The following SYP variants were observed in gnomAD, a reference collection of about 807,000 sequenced individuals.
The protein encoded by SYP is major synaptic vesicle protein P38.
A neutral mutation model predicts 24.3 loss-of-function variants in SYP; 2 were observed. That is an observed-to-expected ratio of 0.08 (90% CI 0.03 to 0.26). SYP has a LOEUF of 0.26. Ranked by LOEUF, SYP falls within the 10% of genes least tolerant of loss-of-function variation. The probability of loss-of-function intolerance (pLI) is 1.00; values close to 1 mark genes in which losing one functional copy is unlikely to be tolerated. For synonymous variants in SYP, 143 were observed against 123.2 expected (o/e 1.16, Z -1.07); for missense variants, 216 against 266.3 (o/e 0.81, Z 1.32).
chrX:49,192,957 TC>T (rs57526397), intron 5 of SYP, among the ~76,000 whole-genome samples: 4,311 of 111,411 alleles, frequency 0.039, 215 homozygotes, highest in African/African-American at 0.13. Flanking sequence ...GGGAAACATT[TC>T]AAGTTTTTCC....
rs1310563292 is a variant in SYP at position 49,188,127 on chromosome X, GTCC to G, written c.*1157_*1159del. On this transcript the variant is annotated 3_prime_UTR_variant, in exon 7 of 7. Transcript: ENST00000263233. Reference sequence around the variant, plus strand: ...CCAGTCCCACAGACCCGTTGGTTCTGTCCTCCTATTAACCTAGCTGTTTCATCA... The same window carrying G: ...CCAGTCCCACAGACCCGTTGGTTCTGTCCTATTAACCTAGCTGTTTCATCA... 1 of 111,391 alleles carries G rather than the reference GTCC, an allele frequency of 9.0e-6. No homozygotes were observed. Among genetic ancestry groups the G allele is most frequent in the African/African-American group, 3.3e-5 (1 of 30,519 alleles). The allele number at this position is 111,391 out of a possible 1,213,427, so 9.2% of individuals were successfully genotyped here.
chrX:49,194,295 C>T lies in SYP; in HGVS notation c.294G>A (p.Gly98=), dbSNP rs1437224039. 3 of 1,211,270 alleles carry T rather than the reference C, an allele frequency of 2.5e-6. No homozygotes were observed. The highest frequency in any genetic ancestry group is 1.8e-5 in the South Asian group (1 of 56,936). ...AGAATTCGGCTGACGAGGAGTAGTC[C>T]CCAACTAAGAAGACCTTGGTGGTGC... ...RGGTTKVFLV[G]DYSSSAEFFV... is the part of the protein sequence containing the mutation. Residue 98 remains glycine (G), a synonymous_variant, in exon 4 of 7, where the codon GGG becomes GGA. Transcript: ENST00000263233.
rs782194762 is a variant in SYP at position 49,200,114 on chromosome X, C to A, written c.36+37G>T. ...GAGCGACCCGGCCTAGGCAGCCGGG[C>A]GGCGGCGGGCTCTGTCCACGGTGCT... On this transcript the variant is annotated intron_variant, in intron 1 of 6. Transcript: ENST00000263233. 4 of 1,161,219 alleles carry A rather than the reference C, an allele frequency of 3.4e-6. No individual in the cohort carries two copies. In the African/African-American group the frequency reaches 7.2e-5, roughly 21 times the overall value.
intron 6 of SYP, chrX:49,190,803 G>A (rs1382516782): frequency 8.7e-6 from 1 of 114,664 alleles, no homozygotes; most frequent in Non-Finnish European, 1.8e-5. Context: ...ACAGGCATGA[G>A]CCACCAAGCC....
chrX:49,199,726 T>C (rs1425401604), intron 1 of SYP, among the ~76,000 whole-genome samples: 1 of 108,883 alleles, frequency 9.2e-6, no homozygotes, highest in Non-Finnish European at 1.9e-5. Flanking sequence ...GGGTACAGTC[T>C]CTGTTTGGGA....
At chrX:49,200,023 C>T in intron 1 of SYP, 128 bp downstream of exon 1, 1 of 849,520 alleles carries the variant, frequency 1.2e-6, no homozygotes, top group Admixed American at 2.7e-5. Flanking sequence ...GACCCCCATC[C>T]CCAGCGCCGG....
In SYP at chrX:49,199,922, G is replaced by T. The variant is rs370170087; in HGVS notation, c.36+229C>A. 4.5e-5 allele frequency among the ~76,000 whole-genome samples: 5 copies of T among 111,082 alleles called. No individual in the cohort carries two copies. The East Asian group carries it at 1.4e-3, about 32-fold the overall frequency. On this transcript the variant is annotated intron_variant, in intron 1 of 6. Transcript: ENST00000263233. ...GCCAGTAATAAACGGGGCTCCGGGG[G>T]CCCCCGCTGCGGCAGTGAGGACGGC...
Position 49,199,049 on chromosome X carries a change from G to A in SYP, c.37-16C>T. On this transcript the variant is annotated splice_polypyrimidine_tract_variant and intron_variant, in intron 1 of 6. Coordinates refer to ENST00000263233, the MANE Select transcript of SYP (RefSeq NM_003179.3). ...CAGCCACCAGCTGAGGAGAGAAACA[G>A]TGGGGAAGGGGTGGGGTTGTTGGAG... is the stretch of plus-strand genomic sequence containing the variant. The A allele has an allele frequency of 8.3e-7, 1 of 1,208,533 alleles. No individual in the cohort carries two copies. Among genetic ancestry groups the A allele is most frequent in the Non-Finnish European group, 1.1e-6 (1 of 893,342 alleles).
intron 3 of SYP, among the ~76,000 whole-genome samples, chrX:49,196,808 T>G (rs1432949260): frequency 1.8e-5 from 2 of 112,041 alleles, no homozygotes; most frequent in Non-Finnish European, 3.8e-5. Flanking sequence ...GCACACAGTG[T>G]GAGCTCAATA....
intron 1 of SYP, 104 bp downstream of exon 1, chrX:49,200,047 G>A: frequency 4.8e-6 from 5 of 1,036,179 alleles, no homozygotes; most frequent in Non-Finnish European, 5.2e-6. Flanking sequence ...CCGGGTCTCC[G>A]CTGCCAGACC....
At chrX:49,189,347 T>A (rs2856747) in intron 6 of SYP, 65 bp from the exon 7 acceptor site, 1 of 108,942 alleles carries the variant, frequency 9.2e-6, no homozygotes, top group Non-Finnish European at 1.9e-5. Context: ...CAGATAGGGG[T>A]TGGGCTGTTA....
In SYP at chrX:49,193,355, T is replaced by C; in HGVS notation, c.532A>G (p.Lys178Glu). The C allele has an allele frequency of 8.3e-7, 1 of 1,212,107 alleles. No homozygotes were observed. Among genetic ancestry groups the C allele is most frequent in the Non-Finnish European group, 1.1e-6 (1 of 895,500 alleles). ...KMATDPENII[K>E]EMPVCRQTGN... ...GTCTGGCGGCAGACAGGCATCTCCT[T>C]GATAATGTTCTCTGGGTCTGTGGCC... The change falls in exon 5 of 7, where the codon AAG (lysine) becomes GAG (glutamate). Residue 178 changes from lysine to glutamate, a missense_variant. Lys to Glu is a moderately conservative substitution (Grantham distance 56). Around this residue, in one of 2 missense-constraint regions of SYP, gnomAD observed 102 missense variants for 158.4 expected, o/e 0.64. Coordinates refer to ENST00000263233, the MANE Select transcript of SYP (RefSeq NM_003179.3).
intron 5 of SYP, among the ~76,000 whole-genome samples, chrX:49,192,432 A>T (rs1212048158): frequency 8.9e-6 from 1 of 112,535 alleles, no homozygotes; most frequent in Admixed American, 9.4e-5. Context: ...ACCTCAGGTG[A>T]TCTGCCCGCC....
At chrX:49,197,905 T>C in intron 2 of SYP, 66 bp from the exon 3 acceptor site, 3 of 1,184,818 alleles carry the variant, frequency 2.5e-6, no homozygotes, top group Non-Finnish European at 3.4e-6. Context: ...GGTGCCCTCC[T>C]CTGGACAGAT....
chrX:49,199,810 G>T (rs1327590509), intron 1 of SYP, among the ~76,000 whole-genome samples: 2 of 104,416 alleles, frequency 1.9e-5, no homozygotes, highest in Non-Finnish European at 3.9e-5. Context: ...CTTATCCGCA[G>T]CACCCCCCAT....
chrX:49,191,866 T>TGG lies in SYP; in HGVS notation c.616-105_616-104dup, dbSNP rs2065510970. 7.6e-6 allele frequency: 7 copies of TGG among 918,420 alleles called. No individual in the cohort carries two copies. In the South Asian group the frequency reaches 1.5e-4, roughly 20 times the overall value. 75.7% of individuals were successfully genotyped at this position (918,420 alleles called of 1,213,427 possible). On this transcript the variant is annotated intron_variant, in intron 5 of 6. Transcript: ENST00000263233. ...GAATGAATCCGTAGGCTCCGCAAGG[T>TGG]GGGGGTTTCTGAAACCCAGACTCTC...
intron 3 of SYP, among the ~76,000 whole-genome samples, chrX:49,195,246 C>G (rs1557103285): frequency 9.2e-6 from 1 of 108,571 alleles, no homozygotes; most frequent in African/African-American, 3.4e-5. Context: ...GTTTTCACCT[C>G]CGTTTATCTC....
At chrX:49,196,913 TCTC>T (rs1264913373) in intron 3 of SYP, 1 of 112,023 alleles carries the variant, frequency 8.9e-6, no homozygotes, top group Non-Finnish European at 1.9e-5. Flanking sequence ...TACATGAGGA[TCTC>T]CTCGAGTTTC....
chrX:49,193,351 T>C lies in SYP; in HGVS notation c.536A>G (p.Glu179Gly). The C allele has an allele frequency of 1.6e-6, 2 of 1,212,140 alleles. No individual in the cohort carries two copies. Among genetic ancestry groups the C allele is most frequent in the Non-Finnish European group, 2.2e-6 (2 of 895,532 alleles). The change falls in exon 5 of 7, where the codon GAG becomes GGG. Residue 179 changes from glutamate (E) to glycine (G), a missense_variant. Glu to Gly is a moderately conservative substitution (Grantham distance 98). Coordinates refer to ENST00000263233, the MANE Select transcript of SYP (RefSeq NM_003179.3). ...CCCTGTCTGGCGGCAGACAGGCATC[T>C]CCTTGATAATGTTCTCTGGGTCTGT... ...MATDPENIIK[E>G]MPVCRQTGNT... is the part of the protein sequence containing the mutation.
Sources: gnomAD v4.1 joint callset for allele counts (sites outside exome capture counted in the v4.1 genomes callset) on GRCh38, gnomAD v4.1.1 for gene constraint, gnomAD v4.1.1 regional missense constraint, MANE v1.5 for transcripts, NCBI Gene and HGNC (gene_info 2026-07-23, HGNC 2026-07-21) for gene names.